The following ROCK1 variants were observed in gnomAD, a reference collection of about 807,000 sequenced individuals.
The protein encoded by ROCK1 is Rho associated coiled-coil containing protein kinase 1.
A neutral mutation model predicts 196.8 loss-of-function variants in ROCK1; 36 were observed. The observed-to-expected ratio is 0.18, with a 90% confidence interval of 0.14 to 0.24. The LOEUF is 0.24. Ranked by LOEUF, ROCK1 falls within the 10% of genes least tolerant of loss-of-function variation. ROCK1 has a pLI of 1.00. For synonymous variants in ROCK1, 443 were observed against 515.9 expected (o/e 0.86, Z 1.91); for missense variants, 920 against 1,562.0 (o/e 0.59, Z 6.93).
At chr18:21,089,019 ATATGT>A (rs1043800940) in intron 1 of ROCK1, among the ~76,000 whole-genome samples, 3 of 152,082 alleles carry the variant, frequency 2.0e-5, no homozygotes, top group African/African-American at 7.2e-5. Flanking sequence ...AATTCCCATT[ATATGT>A]TATTATAAAT....
intron 1 of ROCK1, among the ~76,000 whole-genome samples, chr18:21,102,172 A>G (rs2036664526): frequency 6.6e-6 from 1 of 152,210 alleles, no homozygotes; most frequent in African/African-American, 2.4e-5. Flanking sequence ...GCAAATCCTA[A>G]GAATCATCCC....
At chr18:20,998,847 G>C (rs1417060610) in intron 16 of ROCK1, among the ~76,000 whole-genome samples, 9 of 151,962 alleles carry the variant, frequency 5.9e-5, no homozygotes, top group Non-Finnish European at 2.9e-5. Flanking sequence ...GACCTCAAGT[G>C]ATCCGCCCAC....
intron 2 of ROCK1, 40 bp from the exon 3 acceptor site, chr18:21,049,920 G>A: frequency 9.1e-7 from 1 of 1,094,724 alleles, no homozygotes; most frequent in Non-Finnish European, 1.3e-6. Context: ...AATCACTAAA[G>A]CATTACAACT....
chr18:21,078,996 AT>A (rs2036459692), intron 1 of ROCK1, among the ~76,000 whole-genome samples: 1 of 152,168 alleles, frequency 6.6e-6, no homozygotes, highest in Non-Finnish European at 1.5e-5. Context: ...AAATTGGGGT[AT>A]AGAGAAGTGT....
intron 2 of ROCK1, among the ~76,000 whole-genome samples, chr18:21,060,452 A>C (rs544091276): frequency 6.6e-6 from 1 of 152,346 alleles, no homozygotes; most frequent in Admixed American, 6.5e-5. Flanking sequence ...TTTGGAAGAC[A>C]GTTTGGCAGT....
At chr18:20,991,499 G>T (rs1479371271) in intron 17 of ROCK1, among the ~76,000 whole-genome samples, 173 bp from the exon 18 acceptor site, 1 of 152,096 alleles carries the variant, frequency 6.6e-6, no homozygotes, top group Non-Finnish European at 1.5e-5. Context: ...CTTCCCATTT[G>T]AATCATTAAT....
intron 10 of ROCK1, among the ~76,000 whole-genome samples, chr18:21,024,959 T>C (rs1400518707): frequency 6.6e-6 from 1 of 152,222 alleles, no homozygotes; most frequent in African/African-American, 2.4e-5. Context: ...AAATAAGGCA[T>C]ATAGCAATGC....
At chr18:21,102,275 T>C (rs560419687) in intron 1 of ROCK1, among the ~76,000 whole-genome samples, 1 of 152,196 alleles carries the variant, frequency 6.6e-6, no homozygotes, top group African/African-American at 2.4e-5. Flanking sequence ...CAGCCTCATA[T>C]CTGAAAACTA....
At chr18:20,968,525 C>T (rs974453964) in intron 25 of ROCK1, 8 of 361,158 alleles carry the variant, frequency 2.2e-5, no homozygotes, top group African/African-American at 1.5e-4. Context: ...AGGCTGCTCT[C>T]GAACTCCTGG....
chr18:20,959,360 T>C (rs1258929375), intron 29 of ROCK1, among the ~76,000 whole-genome samples: 6 of 147,408 alleles, frequency 4.1e-5, no homozygotes, highest in Non-Finnish European at 8.9e-5. Flanking sequence ...TACAGGCGCC[T>C]GCCACCACGC....
At chr18:21,063,855 T>A (rs922823808) in intron 2 of ROCK1, among the ~76,000 whole-genome samples, 1 of 152,190 alleles carries the variant, frequency 6.6e-6, no homozygotes, top group African/African-American at 2.4e-5. Flanking sequence ...CACTTATCAG[T>A]CTTTTCTTTG....
chr18:21,077,685 C>CA (rs561039524), intron 1 of ROCK1, among the ~76,000 whole-genome samples: 2,187 of 151,922 alleles, frequency 0.014, 28 homozygotes, highest in Middle Eastern at 0.068. Flanking sequence ...GAAGCCCAGG[C>CA]AAAAAAAGCA....
intron 16 of ROCK1, among the ~76,000 whole-genome samples, chr18:21,003,435 G>A (rs1490531991): frequency 6.6e-6 from 1 of 152,030 alleles, no homozygotes; most frequent in Non-Finnish European, 1.5e-5. Context: ...GCACTAATTA[G>A]ATATTTTATA....
chr18:20,981,745 T>G (rs769696804), intron 21 of ROCK1, among the ~76,000 whole-genome samples: 3 of 152,144 alleles, frequency 2.0e-5, no homozygotes, highest in African/African-American at 7.2e-5. Context: ...TAAATGTCCA[T>G]GGGAATGCAA....
At chr18:21,066,306 T>C (rs1230599083) in intron 2 of ROCK1, among the ~76,000 whole-genome samples, 1 of 152,192 alleles carries the variant, frequency 6.6e-6, no homozygotes, top group Non-Finnish European at 1.5e-5. Flanking sequence ...TTCATGTCTT[T>C]AAATTTTATT....
chr18:21,037,995 T>A (rs2036071847), intron 9 of ROCK1, among the ~76,000 whole-genome samples: 1 of 152,178 alleles, frequency 6.6e-6, no homozygotes. Context: ...TCTATAATTA[T>A]TTATGCATTG....
intron 13 of ROCK1, among the ~76,000 whole-genome samples, chr18:21,012,429 GTTTT>G (rs1322018673): frequency 6.6e-6 from 1 of 152,006 alleles, no homozygotes; most frequent in South Asian, 2.1e-4. Context: ...TGATAGGTTT[GTTTT>G]TTTGTTTTTT....
At chr18:20,954,300 C>T (rs1249838520) in intron 31 of ROCK1, among the ~76,000 whole-genome samples, 13 of 144,248 alleles carry the variant, frequency 9.0e-5, no homozygotes, top group South Asian at 2.3e-4. Flanking sequence ...GTTGGCCGGG[C>T]GTGCAATGGC....
intron 16 of ROCK1, among the ~76,000 whole-genome samples, chr18:21,003,554 T>C (rs1196530640): frequency 6.6e-6 from 1 of 152,184 alleles, no homozygotes; most frequent in African/African-American, 2.4e-5. Flanking sequence ...ATTTACAAAT[T>C]AGGATGTATT....
Sources: gnomAD v4.1 joint callset for allele counts (sites outside exome capture counted in the v4.1 genomes callset) on GRCh38, gnomAD v4.1.1 for gene constraint, MANE v1.5 for transcripts, NCBI Gene and HGNC (gene_info 2026-07-23, HGNC 2026-07-21) for gene names.